The following DLGAP1 variants were observed in gnomAD, a reference collection of about 807,000 sequenced individuals.
DLGAP1 encodes the protein DLG associated protein 1.
In DLGAP1, 11 loss-of-function variants were observed where a neutral mutation model predicts 90.8. The ratio of observed to expected loss-of-function variants is 0.12; its 90% CI spans 0.08 to 0.20. DLGAP1 has a LOEUF of 0.20. Ranked by LOEUF, DLGAP1 falls within the 10% of genes least tolerant of loss-of-function variation. The probability of loss-of-function intolerance (pLI) is 1.00; values close to 1 mark genes in which losing one functional copy is unlikely to be tolerated. For synonymous variants in DLGAP1, 558 were observed against 540.7 expected, an observed-to-expected ratio of 1.03 and a Z score of -0.44; for missense variants, 1,050 against 1,333.8, an observed-to-expected ratio of 0.79 and a Z score of 3.31.
At chr18:4,082,620 A>G (rs2075627990) in intron 2 of DLGAP1, among the ~76,000 whole-genome samples, 1 of 151,452 alleles carries the variant, frequency 6.6e-6, no homozygotes, top group African/African-American at 2.4e-5. Context: ...GTAAATTTGC[A>G]TATCTTTTCT....
intron 6 of DLGAP1, among the ~76,000 whole-genome samples, chr18:3,742,080 T>C (rs2063076539): frequency 1.3e-5 from 2 of 152,068 alleles, no homozygotes; most frequent in Admixed American, 6.5e-5. Flanking sequence ...TGATCTCTAG[T>C]GAATTTCCAA....
At chr18:3,936,459 C>A (rs1453175572) in intron 3 of DLGAP1, among the ~76,000 whole-genome samples, 1 of 152,152 alleles carries the variant, frequency 6.6e-6, no homozygotes, top group Admixed American at 6.5e-5. Flanking sequence ...CTAATAGGGG[C>A]AGCATTTGAA....
intron 3 of DLGAP1, among the ~76,000 whole-genome samples, chr18:3,892,869 T>C (rs1250380158): frequency 6.7e-6 from 1 of 148,974 alleles, no homozygotes; most frequent in African/African-American, 2.4e-5. Context: ...CTCCTCTGGC[T>C]TTTTATATAT....
intron 9 of DLGAP1, among the ~76,000 whole-genome samples, chr18:3,552,704 G>A (rs2053543559): frequency 6.6e-6 from 1 of 152,150 alleles, no homozygotes; most frequent in Non-Finnish European, 1.5e-5. Flanking sequence ...TTTAGCCTCT[G>A]AAGAAGAGAC....
intron 3 of DLGAP1, among the ~76,000 whole-genome samples, chr18:3,995,931 A>G (rs1471850655): frequency 6.6e-6 from 1 of 152,136 alleles, no homozygotes; most frequent in African/African-American, 2.4e-5. Flanking sequence ...TTTAGATACT[A>G]TTAAATAATT....
intron 1 of DLGAP1, among the ~76,000 whole-genome samples, chr18:4,157,502 A>G (rs1336175739): frequency 2.0e-5 from 3 of 152,194 alleles, no homozygotes; most frequent in Non-Finnish European, 2.9e-5. Flanking sequence ...TCATTTGTGT[A>G]TAAGAGATTT....
At chr18:3,538,059 TA>T (rs1222615984) in intron 9 of DLGAP1, among the ~76,000 whole-genome samples, 2 of 152,084 alleles carry the variant, frequency 1.3e-5, no homozygotes, top group African/African-American at 4.8e-5. Flanking sequence ...CCATCAAAAA[TA>T]AAGAATGACC....
At chr18:3,619,571 TC>T (rs1252103792) in intron 7 of DLGAP1, among the ~76,000 whole-genome samples, 1 of 152,232 alleles carries the variant, frequency 6.6e-6, no homozygotes, top group East Asian at 1.9e-4. Flanking sequence ...CCTTCCCTCT[TC>T]TAGCCGCCCT....
intron 7 of DLGAP1, among the ~76,000 whole-genome samples, chr18:3,702,221 G>A (rs1029060952): frequency 1.3e-5 from 2 of 152,030 alleles, no homozygotes; most frequent in Non-Finnish European, 2.9e-5. Context: ...CCGGCATGAA[G>A]TTTCACCATG....
At chr18:4,106,160 T>C (rs761855537) in intron 2 of DLGAP1, among the ~76,000 whole-genome samples, 1 of 150,888 alleles carries the variant, frequency 6.6e-6, no homozygotes. Flanking sequence ...TCAGAGACAA[T>C]ACATGGCCAG....
At chr18:3,538,478 T>C (rs1367592140) in intron 9 of DLGAP1, among the ~76,000 whole-genome samples, 1 of 152,200 alleles carries the variant, frequency 6.6e-6, no homozygotes. Flanking sequence ...AAGAACAATT[T>C]TGCGAAAGTG....
chr18:3,944,240 A>C (rs2072831074), intron 3 of DLGAP1, among the ~76,000 whole-genome samples: 1 of 152,234 alleles, frequency 6.6e-6, no homozygotes, highest in Non-Finnish European at 1.5e-5. Flanking sequence ...GCTCACGCCT[A>C]TAATCCCAGC....
At chr18:3,945,952 A>C (rs1362008909) in intron 3 of DLGAP1, among the ~76,000 whole-genome samples, 1 of 152,142 alleles carries the variant, frequency 6.6e-6, no homozygotes, top group Non-Finnish European at 1.5e-5. Context: ...ATAAGCCAAG[A>C]CTGGGGATAA....
intron 3 of DLGAP1, among the ~76,000 whole-genome samples, chr18:3,970,493 A>G (rs537888492): frequency 1.3e-5 from 2 of 152,202 alleles, no homozygotes; most frequent in African/African-American, 2.4e-5. Context: ...CGATTTTACA[A>G]CAAATGTGAG....
At chr18:4,135,391 G>A (rs1353048930) in intron 2 of DLGAP1, among the ~76,000 whole-genome samples, 1 of 152,156 alleles carries the variant, frequency 6.6e-6, no homozygotes, top group Non-Finnish European at 1.5e-5. Context: ...TGGTCAATAA[G>A]TCAGGTCTGA....
Position 3,534,416 on chromosome 18 carries a change from C to A in DLGAP1, c.2257G>T (p.Ala753Ser). ...AAATCCGTGTCAAAGTCATCATCGG[C>A]GGCACAGGCATGGTAATGGTTTCCT... ...GSGNHYHACA[A>S]DDDFDTDFDP... is the part of the protein sequence containing the mutation. Residue 753 changes from alanine (A) to serine (S), a missense_variant, in exon 10 of 13, where the codon GCC becomes TCC. Ala to Ser is a moderately conservative substitution (Grantham distance 99). Coordinates refer to ENST00000315677, the MANE Select transcript of DLGAP1 (RefSeq NM_004746.4). 2 of 1,614,146 alleles carry A rather than the reference C, an allele frequency of 1.2e-6. No individual in the cohort carries two copies. Among genetic ancestry groups the A allele is most frequent in the Non-Finnish European group, 8.5e-7 (1 of 1,180,020 alleles).
rs572021312 is a variant in DLGAP1 at position 4,129,337 on chromosome 18, A to G, written c.-159+21843T>C. On this transcript the variant is annotated intron_variant, in intron 2 of 12. Coordinates refer to ENST00000315677, the MANE Select transcript of DLGAP1 (RefSeq NM_004746.4). ...AATTCAAGTATTACACACACATATA[A>G]TAGTTTGGGCAAGCATATGGCTGTC... Among the ~76,000 whole-genome samples, 32 of 152,240 alleles carry G rather than the reference A, an allele frequency of 2.1e-4. No individual in the cohort carries two copies. In the Middle Eastern group the frequency reaches 0.014, roughly 65 times the overall value.
chr18:3,591,712 A>C (rs1219936427), intron 7 of DLGAP1, among the ~76,000 whole-genome samples: 1 of 152,198 alleles, frequency 6.6e-6, no homozygotes, highest in Non-Finnish European at 1.5e-5. Flanking sequence ...AAAAACAAAA[A>C]ATAAAAATAA....
chr18:3,648,836 G>A (rs1469937166), intron 7 of DLGAP1, among the ~76,000 whole-genome samples: 1 of 152,228 alleles, frequency 6.6e-6, no homozygotes, highest in African/African-American at 2.4e-5. Context: ...ACAAGTGGCA[G>A]ATTATCGTTT....
Sources: gnomAD v4.1 joint callset for allele counts (sites outside exome capture counted in the v4.1 genomes callset) on GRCh38, gnomAD v4.1.1 for gene constraint, MANE v1.5 for transcripts, NCBI Gene and HGNC (gene_info 2026-07-23, HGNC 2026-07-21) for gene names.